The following ODF2 variants were observed in gnomAD, a reference collection of about 807,000 sequenced individuals.
The protein encoded by ODF2 is outer dense fiber protein 2.
Under a neutral mutation model 110.2 loss-of-function variants are expected in ODF2, and 47 were observed. The ratio of observed to expected loss-of-function variants is 0.43; its 90% CI spans 0.34 to 0.54. The LOEUF (loss-of-function observed/expected upper bound fraction) is 0.54. Among genes scored for constraint, ODF2 ranks in the 20% least tolerant of loss-of-function variants. The probability of loss-of-function intolerance (pLI) is 0.03; values close to 1 mark genes in which losing one functional copy is unlikely to be tolerated. For synonymous variants in ODF2, 352 were observed against 397.7 expected (o/e 0.89, Z 1.37); for missense variants, 812 against 1,054.5 (o/e 0.77, Z 3.19).
chr9:128,471,019 C>G (rs546892343), intron 5 of ODF2, among the ~76,000 whole-genome samples: 1 of 151,842 alleles, frequency 6.6e-6, no homozygotes, highest in African/African-American at 2.4e-5. Context: ...GTTCAGGCGA[C>G]TCTCTTGCTT....
rs1343075229 is a variant in ODF2, at chr9:128,497,436, AAAAAAAAAAAATATATATATATAT to A, written c.2013-975_2013-952del. On this transcript the variant is annotated intron_variant, in intron 18 of 20. Coordinates refer to ENST00000604420, the Ensembl canonical transcript of ODF2. ...TCCCGTCTCTACTAAAAAAAAAAAA[AAAAAAAAAAAATATATATATATAT>A]ATATATATATATATATATATATATA... is the stretch of plus-strand genomic sequence containing the variant. The A allele has an allele frequency of 3.1e-3, 299 of 97,564 alleles. 10 individuals are homozygous for A. Among genetic ancestry groups the A allele is most frequent in the African/African-American group, 0.014 (288 of 21,054 alleles). 6.0% of individuals were successfully genotyped at this position (97,564 alleles called of 1,614,324 possible). A position where few individuals can be genotyped will look rare whatever the true frequency, so the allele number is the denominator to read the frequency against.
intron 18 of ODF2, chr9:128,497,643 C>CA (rs1347163364): frequency 2.4e-4 from 35 of 147,902 alleles, no homozygotes; most frequent in African/African-American, 6.0e-4. Flanking sequence ...GACTCCATCT[C>CA]AAAAAAAAAG....
Position 128,484,899 on chromosome 9 carries a change from C to T in ODF2, c.1290+13C>T, listed in dbSNP as rs753140108. 46 of 1,602,526 alleles carry T rather than the reference C, an allele frequency of 2.9e-5. No homozygotes were observed. The highest frequency in any genetic ancestry group is 2.6e-4 in the African/African-American group (19 of 74,354). On this transcript the variant is annotated intron_variant, in intron 12 of 20. Transcript: ENST00000604420. ...ACTCGCTGACAAGGTCGCAGGCCCG[C>T]GGTGCCCAGCTCCTCACCTGCCCTG...
chr9:128,487,914 A>G, exon 14 of ODF2: 1 of 1,614,094 alleles, frequency 6.2e-7, no homozygotes, highest in South Asian at 1.1e-5. Flanking sequence ...TTGTAAACCA[A>G]CAACAAACCC....
At chr9:128,475,033 C>T (rs997193731) in intron 8 of ODF2, among the ~76,000 whole-genome samples, 3 of 151,846 alleles carry the variant, frequency 2.0e-5, no homozygotes, top group African/African-American at 7.3e-5. Flanking sequence ...TCTGTGGGTT[C>T]TGCATTCGTG....
chr9:128,457,177 T>TTA (rs1484220810), intron 1 of ODF2: 5 of 1,447,602 alleles, frequency 3.5e-6, no homozygotes, highest in Non-Finnish European at 4.6e-6. Context: ...CAGCCTCTAC[T>TTA]ATTTCCCCCT....
Position 128,494,760 on chromosome 9 carries a change from TC to T in ODF2, c.1911+94del, listed in dbSNP as rs1465130665. ...GCACGCCCCCCAAGGGAGGACTACTTCCTTTTTCTTGGCTGCTGCTTTTTAA... is the reference window on the plus strand; with the variant it reads ...GCACGCCCCCCAAGGGAGGACTACTTCTTTTTCTTGGCTGCTGCTTTTTAA... On this transcript the variant is annotated intron_variant, in intron 17 of 20. Transcript: ENST00000604420. This position sits in a 1 kb window ranked among gnomAD's most constrained non-coding sequence, Gnocchi z 4.6. The T allele has an allele frequency of 8.1e-6, 13 of 1,609,962 alleles. No individual in the cohort carries two copies. The highest frequency in any genetic ancestry group is 4.5e-5 in the East Asian group (2 of 44,780).
chr9:128,485,507 C>T lies in ODF2; in HGVS notation c.1400+33C>T. On this transcript the variant is annotated intron_variant, in intron 13 of 20. Transcript: ENST00000604420. This position sits in a 1 kb window ranked among gnomAD's most constrained non-coding sequence, Gnocchi z 5.0. ...TTAGAGTAGGAGAGGGAATGTGGCG[C>T]TGTTGAGGGACTTGGGTGTGCAGGT... 1.6e-6 allele frequency: 2 copies of T among 1,241,784 alleles called. No individual in the cohort carries two copies. The highest frequency in any genetic ancestry group is 1.5e-5 in the African/African-American group (1 of 67,774). 76.9% of individuals were successfully genotyped at this position (1,241,784 alleles called of 1,614,324 possible).
rs1342569561 is a variant in ODF2 at position 128,485,926 on chromosome 9, G to A, written c.1400+452G>A. ...TCAGTAGGTCAGTGGTATGGCATGGGAGTAGGGGGCAAAAGTGGCCTCAAT... is the reference window on the plus strand; with the variant it reads ...TCAGTAGGTCAGTGGTATGGCATGGAAGTAGGGGGCAAAAGTGGCCTCAAT... On this transcript the variant is annotated intron_variant, in intron 13 of 20. Transcript: ENST00000604420. The surrounding 1 kb of genome is among the most constrained non-coding windows in gnomAD (Gnocchi z 5.0). 6.6e-6 allele frequency among the ~76,000 whole-genome samples: 1 copy of A among 152,182 alleles called. No individual in the cohort carries two copies. The highest frequency in any genetic ancestry group is 1.5e-5 in the Non-Finnish European group (1 of 68,020).
At position 128,473,605 on chromosome 9, in the gene ODF2, T is replaced by A. The variant is rs1314181737; in HGVS notation, c.712-5T>A. On this transcript the variant is annotated splice_polypyrimidine_tract_variant and splice_region_variant and intron_variant, in intron 7 of 20. Transcript: ENST00000604420. ...CATCTGTAAGACTGGCTACTTGTCTTCCAGGAGAAACAAATGACCTGCACG... is the reference window on the plus strand; with the variant it reads ...CATCTGTAAGACTGGCTACTTGTCTACCAGGAGAAACAAATGACCTGCACG... 6.2e-7 allele frequency: 1 copy of A among 1,613,094 alleles called. No individual in the cohort carries two copies. Among genetic ancestry groups the A allele is most frequent in the South Asian group, 1.1e-5 (1 of 91,018 alleles).
At chr9:128,456,070 C>G (rs894349463), upstream of ODF2, 2 of 1,520,000 alleles carry the variant, frequency 1.3e-6, no homozygotes, top group South Asian at 2.5e-5. Context: ...CAAGCGGCTC[C>G]CGGGGGGGTT....
chr9:128,480,440 A>G (rs1215334893), intron 8 of ODF2, among the ~76,000 whole-genome samples: 1 of 152,240 alleles, frequency 6.6e-6, no homozygotes, highest in Non-Finnish European at 1.5e-5. Flanking sequence ...GATTTCAAGT[A>G]TATAATACAT....
chr9:128,494,718 G>A lies in ODF2; in HGVS notation c.1911+50G>A, dbSNP rs780168822. 16 of 1,614,024 alleles carry A rather than the reference G, an allele frequency of 9.9e-6. No homozygotes were observed. The highest frequency in any genetic ancestry group is 8.3e-5 in the Admixed American group (5 of 60,024). On this transcript the variant is annotated intron_variant, in intron 17 of 20. Transcript: ENST00000604420. This position sits in a 1 kb window ranked among gnomAD's most constrained non-coding sequence, Gnocchi z 4.6. ...CACGAACTGACCCGAGCAGGGGCCC[G>A]CATACCAAGATGAGCTGCACGCCCC... is the stretch of plus-strand genomic sequence containing the variant.
rs574836384 is a variant in ODF2 at position 128,490,567 on chromosome 9, G to A, written c.1537-1859G>A. On this transcript the variant is annotated intron_variant, in intron 14 of 20. Coordinates refer to ENST00000604420, the Ensembl canonical transcript of ODF2. ...CCCAAAGTGTTGGGTTTATAGGTGT[G>A]AGCCACCACGCCTGGCCTTTCCTAG... Among the ~76,000 whole-genome samples, 3 of 152,252 alleles carry A rather than the reference G, an allele frequency of 2.0e-5. No homozygotes were observed. In the South Asian group the frequency reaches 6.2e-4, roughly 32 times the overall value.
upstream of ODF2, among the ~76,000 whole-genome samples, chr9:128,455,636 C>A (rs1283738346): frequency 6.9e-6 from 1 of 144,674 alleles, no homozygotes; most frequent in Admixed American, 7.1e-5. Flanking sequence ...GAATGCCGAC[C>A]CTTTCTCCTG....
At chr9:128,493,817 CAG>C (rs1845104196) in intron 16 of ODF2, among the ~76,000 whole-genome samples, 2 of 152,026 alleles carry the variant, frequency 1.3e-5, no homozygotes, top group African/African-American at 2.4e-5. Context: ...TTTTTTGAGA[CAG>C]AGTCTTGCTG....
intron 3 of ODF2, 112 bp from the exon 3 acceptor site, chr9:128,460,438 G>T: frequency 1.3e-6 from 2 of 1,519,286 alleles, no homozygotes; most frequent in Non-Finnish European, 1.8e-6. Flanking sequence ...TGTCCTGCTC[G>T]CTTGGTGGCT....
intron 12 of ODF2, 45 bp downstream of exon 12, chr9:128,484,931 G>A (rs1264652593): frequency 6.3e-7 from 1 of 1,594,696 alleles, no homozygotes; most frequent in Non-Finnish European, 8.6e-7. Context: ...CCTGAGGAGG[G>A]CTGGGTGATG....
At chr9:128,473,770 C>A (rs1279339907) in intron 8 of ODF2, 29 bp downstream of exon 8, 5 of 1,597,694 alleles carry the variant, frequency 3.1e-6, no homozygotes, top group Non-Finnish European at 8.6e-7. Flanking sequence ...TCTTTCCCTC[C>A]AGCTCTGCAT....
Sources: gnomAD v4.1 joint callset for allele counts (sites outside exome capture counted in the v4.1 genomes callset) on GRCh38, gnomAD v4.1.1 for gene constraint, Gnocchi (gnomAD v3.1) non-coding constraint, MANE v1.5 for transcripts, NCBI Gene and HGNC (gene_info 2026-07-23, HGNC 2026-07-21) for gene names.